SYNPR: variants seen among roughly 807,000 people sequenced by gnomAD.
SYNPR encodes synaptoporin.
SYNPR carries 23 observed loss-of-function variants against 32.9 expected under a neutral mutation model. The ratio of observed to expected loss-of-function variants is 0.70; its 90% CI spans 0.50 to 0.99. The LOEUF is 0.99. SYNPR is among the 50% of genes least tolerant of loss of function. SYNPR has a pLI of 0.00. For missense variants in SYNPR, 318 were observed against 349.3 expected, an observed-to-expected ratio of 0.91 and a Z score of 0.71; for synonymous variants, 146 against 135.9, an observed-to-expected ratio of 1.07 and a Z score of -0.52.
rs377448371 is a variant in SYNPR, at chr3:63,492,683, G to A, written c.209+11727G>A. Reference sequence around the variant, plus strand: ...GATTAAATCATTGTATGCTGAGTGGGCCTTTTATGTAGTTCTCAGTCTCAC... The same window carrying A: ...GATTAAATCATTGTATGCTGAGTGGACCTTTTATGTAGTTCTCAGTCTCAC... On this transcript the variant is annotated intron_variant, in intron 3 of 5. Transcript: ENST00000478300. Among the ~76,000 whole-genome samples the A allele has an allele frequency of 3.3e-5, 5 of 152,262 alleles. No homozygotes were observed. In the East Asian group the frequency reaches 7.8e-4, roughly 24 times the overall value.
chr3:63,422,236 C>T (rs1699812235), intron 2 of SYNPR, among the ~76,000 whole-genome samples: 1 of 152,092 alleles, frequency 6.6e-6, no homozygotes, highest in Admixed American at 6.6e-5. Context: ...CTCATTTTAT[C>T]AGTGTTCTTA....
chr3:63,267,408 C>A (rs1163262816), exon 3 of SYNPR: 3 of 152,192 alleles, frequency 2.0e-5, no homozygotes, highest in Admixed American at 1.3e-4. Context: ...AGTAAGTGAA[C>A]CGTGAAGCAG....
intron 4 of SYNPR, among the ~76,000 whole-genome samples, chr3:63,584,314 A>C (rs1703144898): frequency 6.6e-6 from 1 of 152,116 alleles, no homozygotes; most frequent in Admixed American, 6.6e-5. Flanking sequence ...GTCACTGTAA[A>C]TGTTAATGTG....
chr3:63,301,144 G>T (rs2086841368), intron 2 of SYNPR, among the ~76,000 whole-genome samples: 3 of 152,214 alleles, frequency 2.0e-5, no homozygotes, highest in South Asian at 4.2e-4. Context: ...TTGGAAAAAT[G>T]AGAATACTAA....
chr3:63,305,691 G>A (rs188000111), intron 2 of SYNPR, among the ~76,000 whole-genome samples: 3 of 152,028 alleles, frequency 2.0e-5, no homozygotes, highest in Non-Finnish European at 2.9e-5. Flanking sequence ...AGCATCCCAG[G>A]TATTTGAGAT....
intron 2 of SYNPR, among the ~76,000 whole-genome samples, chr3:63,405,439 C>G (rs1490696297): frequency 6.6e-6 from 1 of 152,076 alleles, no homozygotes; most frequent in African/African-American, 2.4e-5. Context: ...GTGCTTTCCA[C>G]TCCTTCAAGG....
At chr3:63,274,755 C>G (rs2086560887), upstream of SYNPR, among the ~76,000 whole-genome samples, 1 of 152,196 alleles carries the variant, frequency 6.6e-6, no homozygotes, top group South Asian at 2.1e-4. Context: ...TTTTGAGTAA[C>G]TGTCCTCTGA....
At chr3:63,484,363 T>C (rs1701104856) in intron 3 of SYNPR, among the ~76,000 whole-genome samples, 1 of 152,144 alleles carries the variant, frequency 6.6e-6, no homozygotes, top group Non-Finnish European at 1.5e-5. Flanking sequence ...CTAGATTCCA[T>C]ATTTTTGGTA....
chr3:63,265,544 G>T lies in SYNPR; in HGVS notation n.155-1773G>T, dbSNP rs563190725. 3.5e-4 allele frequency among the ~76,000 whole-genome samples: 53 copies of T among 152,128 alleles called. 1 individual carries two copies. In the South Asian group the frequency reaches 6.9e-3, roughly 20 times the overall value. ...TGGGATTACAGGCGTGAGCCACTGC[G>T]CCCAGTCAATGGCATTCTTTAAGTT... On this transcript the variant is annotated intron_variant and non_coding_transcript_variant, in intron 2 of 4. Transcript: ENST00000478456.
chr3:63,282,813 T>A (rs6794810), intron 2 of SYNPR, among the ~76,000 whole-genome samples: 49,283 of 152,142 alleles, frequency 0.32, 8,571 homozygotes, highest in Non-Finnish European at 0.39. Context: ...ATAAAATTGC[T>A]AAATGGAAAA....
chr3:63,596,493 C>A (rs62250835), intron 4 of SYNPR, among the ~76,000 whole-genome samples: 41,016 of 151,676 alleles, frequency 0.27, 5,924 homozygotes, highest in South Asian at 0.44. Flanking sequence ...TTTCCCCCAA[C>A]ACCTAACAAA....
At chr3:63,481,468 T>C (rs963401886) in intron 3 of SYNPR, among the ~76,000 whole-genome samples, 5 of 151,766 alleles carry the variant, frequency 3.3e-5, no homozygotes, top group African/African-American at 1.2e-4. Context: ...TGTGTGTGTG[T>C]GTGTATACAT....
intron 1 of SYNPR, among the ~76,000 whole-genome samples, chr3:63,236,407 C>T (rs13082672): frequency 0.05 from 7,611 of 152,098 alleles, 265 homozygotes; most frequent in South Asian, 0.076. Flanking sequence ...TCTGTATCTA[C>T]AAAAACCTTG....
At chr3:63,472,008 G>A (rs1263185735) in intron 2 of SYNPR, among the ~76,000 whole-genome samples, 6 of 152,068 alleles carry the variant, frequency 3.9e-5, no homozygotes, top group Admixed American at 1.3e-4. Flanking sequence ...CCCTCCCCAC[G>A]GCAGCCTGCG....
chr3:63,261,662 C>T (rs1483259621), intron 2 of SYNPR, among the ~76,000 whole-genome samples: 4 of 147,460 alleles, frequency 2.7e-5, no homozygotes, highest in Middle Eastern at 7.2e-3. Context: ...CACATGTATA[C>T]ATATGTAACT....
At chr3:63,209,313 C>G in the SYNPR span, among the ~76,000 whole-genome samples, 1 of 29,652 alleles carries the variant, frequency 3.4e-5, no homozygotes. Flanking sequence ...GAGACTCCGT[C>G]TCAAAAAAAA....
chr3:63,579,615 G>A (rs62250820), intron 4 of SYNPR, among the ~76,000 whole-genome samples: 1 of 151,888 alleles, frequency 6.6e-6, no homozygotes, highest in African/African-American at 2.4e-5. Flanking sequence ...TGTTTAGAAA[G>A]ATGCTCAACA....
chr3:63,268,109 T>C (rs1346153000), intron 3 of SYNPR, among the ~76,000 whole-genome samples: 2 of 152,216 alleles, frequency 1.3e-5, no homozygotes, highest in East Asian at 1.9e-4. Flanking sequence ...ATTTAACTTA[T>C]GATTCTGTGT....
intron 2 of SYNPR, among the ~76,000 whole-genome samples, chr3:63,355,838 C>T (rs1014923571): frequency 2.0e-5 from 3 of 152,196 alleles, no homozygotes; most frequent in Non-Finnish European, 2.9e-5. Context: ...TGGAAAATAA[C>T]TTATCAGTTC....
Sources: gnomAD v4.1 joint callset for allele counts (sites outside exome capture counted in the v4.1 genomes callset) on GRCh38, gnomAD v4.1.1 for gene constraint, MANE v1.5 for transcripts, NCBI Gene and HGNC (gene_info 2026-07-23, HGNC 2026-07-21) for gene names.